The following REDIC1 variants were observed in gnomAD, a reference collection of about 807,000 sequenced individuals.
REDIC1 encodes the protein HEI10 Interacting Protein 1.
At chr12:39,637,546 G>T in the REDIC1 span, among the ~76,000 whole-genome samples, 1 of 152,010 alleles carries the variant, frequency 6.6e-6, no homozygotes, top group African/African-American at 2.4e-5. Context: ...CTAAGTAGGT[G>T]CATGCTATGG....
chr12:39,672,596 C>T, the REDIC1 span, among the ~76,000 whole-genome samples: 10 of 152,264 alleles, frequency 6.6e-5, no homozygotes, highest in African/African-American at 9.6e-5. Context: ...CCCAGGCCGG[C>T]AGGCTTCTGT....
the REDIC1 span, among the ~76,000 whole-genome samples, chr12:39,697,674 T>G: frequency 1.3e-5 from 2 of 152,024 alleles, no homozygotes; most frequent in Non-Finnish European, 2.9e-5. Flanking sequence ...TGCAAACAAT[T>G]AAGTTGTTAT....
the REDIC1 span, among the ~76,000 whole-genome samples, chr12:39,804,486 AT>A: frequency 6.6e-6 from 1 of 152,274 alleles, no homozygotes; most frequent in Non-Finnish European, 1.5e-5. Context: ...GTCAAAACCA[AT>A]TTATTTACTG....
chr12:39,855,949 A>G, the REDIC1 span, among the ~76,000 whole-genome samples: 3 of 152,150 alleles, frequency 2.0e-5, no homozygotes, highest in African/African-American at 7.2e-5. Flanking sequence ...CCTAAACACT[A>G]TGTGACCTGT....
At chr12:39,724,198 G>A in the REDIC1 span, among the ~76,000 whole-genome samples, 1 of 152,112 alleles carries the variant, frequency 6.6e-6, no homozygotes, top group East Asian at 1.9e-4. Flanking sequence ...CTCTTGGGCG[G>A]GATAAGTCTT....
At chr12:39,704,374 A>G in the REDIC1 span, among the ~76,000 whole-genome samples, 1 of 152,252 alleles carries the variant, frequency 6.6e-6, no homozygotes, top group African/African-American at 2.4e-5. Flanking sequence ...ACAATGAGAT[A>G]CCATCTCACG....
At chr12:39,750,730 CA>C in the REDIC1 span, among the ~76,000 whole-genome samples, 1 of 152,162 alleles carries the variant, frequency 6.6e-6, no homozygotes, top group Non-Finnish European at 1.5e-5. Context: ...AACAATGGAA[CA>C]GAACAGAGCC....
chr12:39,898,960 T>C, the REDIC1 span, among the ~76,000 whole-genome samples: 7,020 of 152,290 alleles, frequency 0.046, 293 homozygotes, highest in Admixed American at 0.13. Flanking sequence ...GTTGTGTCTC[T>C]GCCTGGCTTT....
the REDIC1 span, among the ~76,000 whole-genome samples, chr12:39,861,246 T>G: frequency 1.3e-5 from 2 of 152,248 alleles, no homozygotes; most frequent in African/African-American, 2.4e-5. Flanking sequence ...ATTCTAACAA[T>G]GACTGTAATG....
the REDIC1 span, among the ~76,000 whole-genome samples, chr12:39,695,998 T>G: frequency 6.6e-6 from 1 of 152,040 alleles, no homozygotes; most frequent in Non-Finnish European, 1.5e-5. Context: ...TCTAAGACAA[T>G]CAAGGCAGTA....
the REDIC1 span, among the ~76,000 whole-genome samples, chr12:39,751,259 C>G: frequency 1.1e-4 from 17 of 152,314 alleles, no homozygotes; most frequent in African/African-American, 3.8e-4. Flanking sequence ...AGACACTTCT[C>G]AAAAGAAGAC....
chr12:39,695,760 G>A, the REDIC1 span, among the ~76,000 whole-genome samples: 1 of 152,140 alleles, frequency 6.6e-6, no homozygotes, highest in Admixed American at 6.5e-5. Flanking sequence ...AGAAAGCATA[G>A]GCAGTAGCCA....
chr12:39,630,185 A>G, the REDIC1 span, among the ~76,000 whole-genome samples: 1 of 152,170 alleles, frequency 6.6e-6, no homozygotes, highest in Admixed American at 6.5e-5. Flanking sequence ...GACTAGTTTC[A>G]CCAAATTCAT....
At chr12:39,741,189 A>T in the REDIC1 span, among the ~76,000 whole-genome samples, 1 of 152,212 alleles carries the variant, frequency 6.6e-6, no homozygotes, top group Non-Finnish European at 1.5e-5. Context: ...TTTTCTTAAA[A>T]TGTCCATATC....
chr12:39,879,206 AG>A, the REDIC1 span, among the ~76,000 whole-genome samples: 1 of 152,368 alleles, frequency 6.6e-6, no homozygotes, highest in Non-Finnish European at 1.5e-5. Context: ...AGCCTGCTGC[AG>A]GGGCAGAGCC....
chr12:39,896,234 G>A, the REDIC1 span, among the ~76,000 whole-genome samples: 1 of 99,652 alleles, frequency 1.0e-5, no homozygotes, highest in African/African-American at 3.6e-5. Flanking sequence ...ATATGCATAT[G>A]TGTATATATG....
chr12:39,664,840 T>G, the REDIC1 span, among the ~76,000 whole-genome samples: 4 of 152,252 alleles, frequency 2.6e-5, no homozygotes, highest in Non-Finnish European at 5.9e-5. Context: ...TGATGAGCAT[T>G]TTTTCATGTG....
At chr12:39,864,527 C>T in the REDIC1 span, among the ~76,000 whole-genome samples, 1 of 152,166 alleles carries the variant, frequency 6.6e-6, no homozygotes, top group African/African-American at 2.4e-5. Flanking sequence ...AGAAACATCA[C>T]CAAGATTGTG....
chr12:39,796,045 T>C, the REDIC1 span, among the ~76,000 whole-genome samples: 4 of 152,214 alleles, frequency 2.6e-5, no homozygotes, highest in Middle Eastern at 3.4e-3. Context: ...CCAAACCTCT[T>C]CTCCCCCCAG....
Sources: gnomAD v4.1 joint callset for allele counts (sites outside exome capture counted in the v4.1 genomes callset) on GRCh38, gnomAD v4.1.1 for gene constraint, MANE v1.5 for transcripts, NCBI Gene and HGNC (gene_info 2026-07-23, HGNC 2026-07-21) for gene names.